TGIF2: variants seen among roughly 807,000 people sequenced by gnomAD.
TGIF2 encodes TGFB induced factor homeobox 2.
A neutral mutation model predicts 15.1 loss-of-function variants in TGIF2; 5 were observed. That is an observed-to-expected ratio of 0.33 (90% CI 0.17 to 0.70). TGIF2 has a LOEUF of 0.70. Among genes scored for constraint, TGIF2 ranks in the 30% least tolerant of loss-of-function variants. TGIF2 has a pLI of 0.67. For missense variants in TGIF2, 264 were observed against 302.5 expected (o/e 0.87, Z 0.94); for synonymous variants, 131 against 128.9 (o/e 1.02, Z -0.11).
chr20:36,589,535 GGCGC>G (rs1427097194), intron 2 of TGIF2, among the ~76,000 whole-genome samples: 2 of 152,032 alleles, frequency 1.3e-5, no homozygotes, highest in Non-Finnish European at 2.9e-5. Flanking sequence ...TGGGACTACA[GGCGC>G]GTGCCACCAC....
intron 2 of TGIF2, among the ~76,000 whole-genome samples, chr20:36,582,096 G>A (rs1286015357): frequency 2.6e-5 from 4 of 152,030 alleles, no homozygotes; most frequent in Admixed American, 6.6e-5. Flanking sequence ...TTAGCCAGAC[G>A]TGGTGGCTCA....
chr20:36,579,971 C>G (rs551180346), intron 2 of TGIF2, among the ~76,000 whole-genome samples: 4 of 152,168 alleles, frequency 2.6e-5, no homozygotes, highest in Non-Finnish European at 5.9e-5. Flanking sequence ...GGAGCAGAGG[C>G]GGGGGACCCT....
intron 2 of TGIF2, 93 bp downstream of exon 2, chr20:36,579,059 C>T: frequency 6.8e-7 from 1 of 1,474,644 alleles, no homozygotes; most frequent in Non-Finnish European, 9.0e-7. Flanking sequence ...TCTTGGGCCA[C>T]TCACTTTCAC....
chr20:36,587,251 G>A (rs2038678647), intron 2 of TGIF2, among the ~76,000 whole-genome samples: 1 of 152,228 alleles, frequency 6.6e-6, no homozygotes, highest in Non-Finnish European at 1.5e-5. Flanking sequence ...CAGATGCTAG[G>A]CTGCCAAGTG....
intron 2 of TGIF2, 115 bp downstream of exon 2, chr20:36,579,081 C>T (rs947372439): frequency 1.3e-5 from 18 of 1,401,102 alleles, no homozygotes; most frequent in South Asian, 4.4e-5. Flanking sequence ...GTCTGGGCTT[C>T]GGTTTCTTCT....
chr20:36,591,892 G>A lies in TGIF2; in HGVS notation c.*461G>A, dbSNP rs549477282. 145 of 155,614 alleles carry A rather than the reference G, an allele frequency of 9.3e-4. No homozygotes were observed. The highest frequency in any genetic ancestry group is 1.8e-3 in the Non-Finnish European group (127 of 70,100). 9.6% of individuals were successfully genotyped at this position (155,614 alleles called of 1,614,324 possible). ...GGAACCCAGTGGATGTAACAGAACC[G>A]ACTCCAGTTGAATGTTTAGATTTTT... is the stretch of plus-strand genomic sequence containing the variant. On this transcript the variant is annotated 3_prime_UTR_variant, in exon 3 of 3. Coordinates refer to ENST00000373872, the MANE Select transcript of TGIF2 (RefSeq NM_021809.7). This position sits in a 1 kb window ranked among gnomAD's most constrained non-coding sequence, Gnocchi z 5.3.
At position 36,592,491 on chromosome 20, in the gene TGIF2, C is replaced by T. The variant is rs1302867874; in HGVS notation, c.*1060C>T. The T allele has an allele frequency of 1.3e-5, 2 of 152,342 alleles. No homozygotes were observed. The highest frequency in any genetic ancestry group is 2.9e-5 in the Non-Finnish European group (2 of 68,000). 9.4% of individuals were successfully genotyped at this position (152,342 alleles called of 1,614,324 possible). ...TTTAGCAACTTGGATTAGAGGGGCC[C>T]ATATGTCAGAAGCTCCCAGCACCTC... On this transcript the variant is annotated 3_prime_UTR_variant, in exon 3 of 3. Transcript: ENST00000373872.
chr20:36,589,944 C>T (rs2038736079), intron 2 of TGIF2, among the ~76,000 whole-genome samples: 2 of 152,094 alleles, frequency 1.3e-5, no homozygotes, highest in African/African-American at 2.4e-5. Flanking sequence ...CCACCTTGGC[C>T]TCCTAAAGTA....
chr20:36,590,873 A>AT, intron 2 of TGIF2, 37 bp from the exon 3 acceptor site: 1 of 1,502,266 alleles, frequency 6.7e-7, no homozygotes, highest in Non-Finnish European at 8.9e-7. Context: ...GCTGTTTTAG[A>AT]TTAAGCAAAT....
At chr20:36,579,000 A>T in intron 2 of TGIF2, 34 bp downstream of exon 2, 1 of 1,602,090 alleles carries the variant, frequency 6.2e-7, no homozygotes, top group Non-Finnish European at 8.5e-7. Context: ...GGGTGGCAGG[A>T]GGACCTGGGT....
At chr20:36,590,241 G>C (rs192632938) in intron 2 of TGIF2, among the ~76,000 whole-genome samples, 1 of 152,332 alleles carries the variant, frequency 6.6e-6, no homozygotes, top group African/African-American at 2.4e-5. Flanking sequence ...ACAGGTGTGA[G>C]CCACCGTGCC....
Position 36,591,480 on chromosome 20 carries a change from T to C in TGIF2, c.*49T>C, listed in dbSNP as rs2038769081. On this transcript the variant is annotated 3_prime_UTR_variant, in exon 3 of 3. Transcript: ENST00000373872. The surrounding 1 kb of genome is among the most constrained non-coding windows in gnomAD (Gnocchi z 5.3). ...AGGCTCCAGCCAGCTGTCCTGGGTT[T>C]CCGTTTTGGTTCCCTTTCATACAGA... 1 of 1,537,904 alleles carries C rather than the reference T, an allele frequency of 6.5e-7. No homozygotes were observed. Among genetic ancestry groups the C allele is most frequent in the Non-Finnish European group, 8.8e-7 (1 of 1,142,372 alleles).
intron 1 of TGIF2, chr20:36,574,420 T>C (rs1184277417): frequency 9.0e-5 from 2 of 22,180 alleles, no homozygotes; most frequent in African/African-American, 1.9e-4. Context: ...GCGGCCAACA[T>C]GGAGTCTGGG....
intron 2 of TGIF2, among the ~76,000 whole-genome samples, chr20:36,588,666 G>GCC (rs2147938150): frequency 6.6e-6 from 1 of 152,286 alleles, no homozygotes; most frequent in African/African-American, 2.4e-5. Context: ...CAGAGCCAGG[G>GCC]CCCCTCCTGG....
At chr20:36,582,879 G>T (rs1387227045) in intron 2 of TGIF2, among the ~76,000 whole-genome samples, 2 of 152,148 alleles carry the variant, frequency 1.3e-5, no homozygotes, top group Non-Finnish European at 2.9e-5. Flanking sequence ...TCAATTACCA[G>T]CTCCTGTACA....
Position 36,585,613 on chromosome 20 carries a change from T to TTAA in TGIF2, c.193-5296_193-5294dup, listed in dbSNP as rs1198622113. The stretch of plus-strand genomic sequence containing the variant: ...GGGACATCTCTTTTGATTGTCTCCT[T>TTAA]TAACCCTCCCAGGAGCGATTCATTA... On this transcript the variant is annotated intron_variant, in intron 2 of 2. Transcript: ENST00000373872. Among the ~76,000 whole-genome samples the TTAA allele has an allele frequency of 3.3e-5, 5 of 152,200 alleles. No homozygotes were observed. The South Asian group carries it at 1.0e-3, about 31-fold the overall frequency.
chr20:36,586,601 A>C (rs983493447), intron 2 of TGIF2, among the ~76,000 whole-genome samples: 5 of 151,994 alleles, frequency 3.3e-5, no homozygotes, highest in Admixed American at 3.3e-4. Flanking sequence ...AGGCTGAGGC[A>C]GGAGAACTGC....
Position 36,591,622 on chromosome 20 carries a change from C to T in TGIF2, c.*191C>T. 1 of 588,864 alleles carries T rather than the reference C, an allele frequency of 1.7e-6. No individual in the cohort carries two copies. Among genetic ancestry groups the T allele is most frequent in the Non-Finnish European group, 2.9e-6 (1 of 346,048 alleles). The allele number at this position is 588,864 out of a possible 1,614,324, so 36.5% of individuals were successfully genotyped here. A position where few individuals can be genotyped will look rare whatever the true frequency, so the allele number is the denominator to read the frequency against. ...TGATGGGGGCCCTCTCCTCTGCTGA[C>T]TCTGCCGTTTCTCCAGGCCTCCGCT... is the stretch of plus-strand genomic sequence containing the variant. On this transcript the variant is annotated 3_prime_UTR_variant, in exon 3 of 3. Transcript: ENST00000373872. This position sits in a 1 kb window ranked among gnomAD's most constrained non-coding sequence, Gnocchi z 5.3.
chr20:36,590,809 T>C, intron 2 of TGIF2, 101 bp from the exon 3 acceptor site: 1 of 1,335,294 alleles, frequency 7.5e-7, no homozygotes, highest in Admixed American at 2.5e-5. Context: ...TCCTCCCGCC[T>C]TGGCCACCCA....
Sources: allele counts gnomAD v4.1 joint callset (sites outside exome capture counted in the v4.1 genomes callset), GRCh38; gene constraint gnomAD v4.1.1; non-coding constraint Gnocchi (gnomAD v3.1); transcripts MANE v1.5; gene names NCBI Gene and HGNC (gene_info 2026-07-23, HGNC 2026-07-21).